Variants in ZDHHC11 observed in about 807,000 individuals in gnomAD.
The protein encoded by ZDHHC11 is palmitoyltransferase ZDHHC11.
ZDHHC11 carries 44 observed loss-of-function variants against 51.3 expected under a neutral mutation model. The ratio of observed to expected loss-of-function variants is 0.86; its 90% CI spans 0.67 to 1.10. ZDHHC11 has a LOEUF of 1.10. Among genes scored for constraint, ZDHHC11 ranks in the 50% least tolerant of loss-of-function variants. ZDHHC11 has a pLI of 0.00. For synonymous variants in ZDHHC11, 163 were observed against 222.0 expected, an observed-to-expected ratio of 0.73 and a Z score of 2.36; for missense variants, 400 against 537.7, an observed-to-expected ratio of 0.74 and a Z score of 2.53.
chr5:813,674 C>A (rs1182266680), intron 11 of ZDHHC11, among the ~76,000 whole-genome samples: 2 of 150,236 alleles, frequency 1.3e-5, no homozygotes, highest in African/African-American at 5.0e-5. Context: ...CCCCAGAGGT[C>A]CTGGGCCAGG....
intron 10 of ZDHHC11, among the ~76,000 whole-genome samples, chr5:815,603 A>T (rs1740682035): frequency 6.6e-6 from 1 of 150,754 alleles, no homozygotes; most frequent in Admixed American, 6.6e-5. Context: ...TCTTGCTTTC[A>T]TTGCTCTTGG....
intron 11 of ZDHHC11, among the ~76,000 whole-genome samples, chr5:806,926 A>G (rs1476146855): frequency 1.3e-5 from 2 of 151,158 alleles, no homozygotes; most frequent in Non-Finnish European, 3.0e-5. Context: ...ACACCTTTAA[A>G]AAACAGTGGC....
chr5:812,100 T>C (rs1418012191), intron 11 of ZDHHC11, among the ~76,000 whole-genome samples: 2 of 146,146 alleles, frequency 1.4e-5, no homozygotes, highest in African/African-American at 5.3e-5. Flanking sequence ...CAAAAATAAG[T>C]TGAAGATGGC....
At chr5:834,040 G>A (rs1253280103) in intron 6 of ZDHHC11, among the ~76,000 whole-genome samples, 1 of 152,296 alleles carries the variant, frequency 6.6e-6, no homozygotes, top group Non-Finnish European at 1.5e-5. Context: ...ATCTTTTAAA[G>A]AAATGCCAAA....
At chr5:806,855 T>C (rs1312195379) in intron 11 of ZDHHC11, among the ~76,000 whole-genome samples, 18 of 151,264 alleles carry the variant, frequency 1.2e-4, no homozygotes, top group African/African-American at 4.1e-4. Context: ...ATTCCAAGTG[T>C]TGGAGAGGAC....
intron 7 of ZDHHC11, among the ~76,000 whole-genome samples, chr5:827,647 C>G (rs899384258): frequency 6.6e-6 from 1 of 151,060 alleles, no homozygotes; most frequent in Admixed American, 6.6e-5. Context: ...CAACATTATA[C>G]GATGATAAAA....
upstream of ZDHHC11, among the ~76,000 whole-genome samples, chr5:854,763 C>T (rs114483219): frequency 0.1 from 14,967 of 145,828 alleles, 874 homozygotes; most frequent in Admixed American, 0.2. Flanking sequence ...GACAGCGAGC[C>T]GGAGGGCACA....
intron 12 of ZDHHC11, among the ~76,000 whole-genome samples, chr5:800,835 G>A (rs975057163): frequency 6.6e-6 from 1 of 151,248 alleles, no homozygotes; most frequent in Admixed American, 6.6e-5. Context: ...AGGCAAGTAT[G>A]GAAATGAGAG....
chr5:812,565 C>A lies in ZDHHC11; in HGVS notation c.1181+2196G>T, dbSNP rs181435650. Among the ~76,000 whole-genome samples, 592 of 151,354 alleles carry A rather than the reference C, an allele frequency of 3.9e-3. 13 individuals are homozygous for A. The highest frequency in any genetic ancestry group is 0.014 in the African/African-American group (578 of 41,208). On this transcript the variant is annotated intron_variant, in intron 11 of 12. Transcript: ENST00000283441. ...AAAACTAAAAATACCTTGCTAATAT[C>A]TGGTGCTGAAAAGGGTGAGGAAATT...
intron 11 of ZDHHC11, among the ~76,000 whole-genome samples, chr5:804,993 T>C (rs1243106302): frequency 6.6e-6 from 1 of 151,406 alleles, no homozygotes. Flanking sequence ...TTTGTAACTC[T>C]TTTTTTCTAT....
intron 1 of ZDHHC11, among the ~76,000 whole-genome samples, chr5:857,805 G>A (rs577990659): frequency 5.3e-4 from 60 of 114,034 alleles, no homozygotes; most frequent in Non-Finnish European, 8.3e-4. Flanking sequence ...TTATGACACC[G>A]TGGTCCCCTG....
At chr5:819,136 A>T (rs1212615441) in intron 10 of ZDHHC11, among the ~76,000 whole-genome samples, 1 of 151,572 alleles carries the variant, frequency 6.6e-6, no homozygotes, top group Non-Finnish European at 1.5e-5. Context: ...TAAGCATTTT[A>T]TTTTAAAACC....
chr5:838,768 T>C (rs1744309424), intron 5 of ZDHHC11, among the ~76,000 whole-genome samples: 1 of 151,962 alleles, frequency 6.6e-6, no homozygotes, highest in Non-Finnish European at 1.5e-5. Context: ...CAGCCCCGCA[T>C]GGCTTCAGGC....
At chr5:797,316 C>T (rs1249526679) in intron 12 of ZDHHC11, among the ~76,000 whole-genome samples, 1 of 151,596 alleles carries the variant, frequency 6.6e-6, no homozygotes, top group Non-Finnish European at 1.5e-5. Context: ...ATTCACTGGG[C>T]TTTATGAATC....
chr5:848,759 A>G, intron 1 of ZDHHC11, 99 bp from the exon 2 acceptor site: 2 of 1,514,476 alleles, frequency 1.3e-6, no homozygotes, highest in Non-Finnish European at 1.8e-6. Context: ...GCCGCTGGTC[A>G]GCCCTGCTCA....
At chr5:816,450 GGA>G (rs1184024668) in intron 10 of ZDHHC11, 5 of 469,696 alleles carry the variant, frequency 1.1e-5, no homozygotes, top group Non-Finnish European at 2.1e-5. Context: ...AGCGGCATGT[GGA>G]TAAGTCGAAG....
At chr5:851,413 G>A (rs1747218096), upstream of ZDHHC11, among the ~76,000 whole-genome samples, 1 of 152,112 alleles carries the variant, frequency 6.6e-6, no homozygotes, top group African/African-American at 2.4e-5. Flanking sequence ...TACGGGGTGG[G>A]GGGTTGATCT....
rs764503021 is a variant in ZDHHC11, at chr5:814,772, T to C, written c.1170A>G (p.Ile390Met). 23 of 1,561,756 alleles carry C rather than the reference T, an allele frequency of 1.5e-5. 1 individual carries two copies. Among genetic ancestry groups the C allele is most frequent in the Middle Eastern group, 3.3e-4 (2 of 5,980 alleles). Residue 390 changes from isoleucine (I) to methionine (M), a missense_variant, in exon 11 of 13, where the codon ATA becomes ATG. By Grantham distance (10) the Ile-to-Met change is conservative. This residue lies in a region of ZDHHC11 where 231 missense variants were observed against 227.4 expected (regional missense o/e 1.02). Transcript: ENST00000283441. ...MAQEADDAPS[I>M]STLGLQQETT... ...ACTTACGAACTTACCCAAGTGTAGA[T>C]ATACTCGGGGCATCATCTGCTTCCT...
chr5:808,549 ATTTT>A (rs1739613813), intron 11 of ZDHHC11, among the ~76,000 whole-genome samples: 1 of 149,486 alleles, frequency 6.7e-6, no homozygotes, highest in African/African-American at 2.4e-5. Context: ...TTATTTATTT[ATTTT>A]GAGACGTAGT....
Sources: allele counts gnomAD v4.1 joint callset (sites outside exome capture counted in the v4.1 genomes callset), GRCh38; gene constraint gnomAD v4.1.1; regional missense constraint gnomAD v4.1.1; transcripts MANE v1.5; gene names NCBI Gene and HGNC (gene_info 2026-07-23, HGNC 2026-07-21).